The following NEURL1 variants were observed in gnomAD, a reference collection of about 807,000 sequenced individuals.
The protein encoded by NEURL1 is neuralized E3 ubiquitin protein ligase 1, also known as E3 ubiquitin-protein ligase NEURL1.
Under a neutral mutation model 41.2 loss-of-function variants are expected in NEURL1, and 26 were observed. The observed-to-expected ratio is 0.63, with a 90% CI of 0.46 to 0.87. NEURL1 has a LOEUF of 0.87. NEURL1 is among the 40% of genes least tolerant of loss of function. The pLI is 0.00. For missense variants in NEURL1, 761 were observed against 871.1 expected, an observed-to-expected ratio of 0.87 and a Z score of 1.59; for synonymous variants, 400 against 402.3, an observed-to-expected ratio of 0.99 and a Z score of 0.07.
chr10:103,585,393 G>A (rs565478534), intron 4 of NEURL1, among the ~76,000 whole-genome samples, 168 bp downstream of exon 4: 1 of 152,164 alleles, frequency 6.6e-6, no homozygotes, highest in Admixed American at 6.5e-5. Context: ...CTTGTCAGTG[G>A]CCCTTATATG....
At chr10:103,521,636 A>T (rs1399073339) in intron 1 of NEURL1, among the ~76,000 whole-genome samples, 1 of 152,174 alleles carries the variant, frequency 6.6e-6, no homozygotes, top group African/African-American at 2.4e-5. Flanking sequence ...TTATGAAATG[A>T]TGATAGAATA....
intron 1 of NEURL1, among the ~76,000 whole-genome samples, chr10:103,531,261 G>T (rs2034564331): frequency 6.6e-6 from 1 of 152,002 alleles, no homozygotes; most frequent in African/African-American, 2.4e-5. Flanking sequence ...GAAATGTTTT[G>T]TAAATGTCTT....
chr10:103,503,926 A>G (rs2033885726), intron 1 of NEURL1, among the ~76,000 whole-genome samples: 1 of 150,572 alleles, frequency 6.6e-6, no homozygotes, highest in Non-Finnish European at 1.5e-5. Flanking sequence ...AGTAGCTAAG[A>G]CTACAGGTGT....
chr10:103,502,746 G>A (rs534565088), intron 1 of NEURL1, among the ~76,000 whole-genome samples: 2 of 152,322 alleles, frequency 1.3e-5, no homozygotes, highest in South Asian at 4.1e-4. Context: ...ACGAGCAAAA[G>A]CAGTAAGAAA....
chr10:103,502,415 G>T (rs1427805460), intron 1 of NEURL1, among the ~76,000 whole-genome samples: 1 of 152,148 alleles, frequency 6.6e-6, no homozygotes, highest in Non-Finnish European at 1.5e-5. Flanking sequence ...CTTTCAGGTG[G>T]CTCCTTCTTG....
At chr10:103,511,384 C>T (rs1356972828) in intron 1 of NEURL1, among the ~76,000 whole-genome samples, 5 of 152,144 alleles carry the variant, frequency 3.3e-5, no homozygotes, top group Non-Finnish European at 5.9e-5. Context: ...CACATGCTGA[C>T]GCTGGTGCAG....
intron 3 of NEURL1, 66 bp from the exon 4 acceptor site, chr10:103,584,470 C>A: frequency 9.0e-7 from 1 of 1,113,476 alleles, no homozygotes; most frequent in Non-Finnish European, 1.2e-6. Context: ...AGGGACCGGA[C>A]AGCGGGGCGC....
intron 5 of NEURL1, among the ~76,000 whole-genome samples, 181 bp downstream of exon 5, chr10:103,589,841 T>C (rs780862975): frequency 2.0e-5 from 3 of 152,212 alleles, no homozygotes; most frequent in Non-Finnish European, 4.4e-5. Flanking sequence ...AAAGGGTAGC[T>C]CAGGAGGGAC....
At chr10:103,578,292 C>T (rs2035707770) in intron 3 of NEURL1, among the ~76,000 whole-genome samples, 1 of 152,212 alleles carries the variant, frequency 6.6e-6, no homozygotes, top group Non-Finnish European at 1.5e-5. Flanking sequence ...AAGACACCGC[C>T]CTCCACGGCC....
At chr10:103,544,780 A>T (rs1383635904) in intron 1 of NEURL1, among the ~76,000 whole-genome samples, 2 of 151,946 alleles carry the variant, frequency 1.3e-5, no homozygotes, top group Non-Finnish European at 1.5e-5. Flanking sequence ...CAGGGAAGAG[A>T]CCTCCTGCCC....
At chr10:103,575,582 G>T (rs950953640) in intron 3 of NEURL1, among the ~76,000 whole-genome samples, 2 of 152,176 alleles carry the variant, frequency 1.3e-5, no homozygotes, top group African/African-American at 4.8e-5. Context: ...GGAGGCAGGG[G>T]CTGGTGTCTC....
At chr10:103,524,634 T>C (rs1041546003) in intron 1 of NEURL1, among the ~76,000 whole-genome samples, 2 of 152,238 alleles carry the variant, frequency 1.3e-5, no homozygotes, top group South Asian at 2.1e-4. Flanking sequence ...TGGTGAGAGA[T>C]ACGGCTCTAG....
intron 1 of NEURL1, among the ~76,000 whole-genome samples, chr10:103,524,343 T>C (rs1328560601): frequency 1.3e-5 from 2 of 152,194 alleles, no homozygotes; most frequent in Non-Finnish European, 2.9e-5. Context: ...TTCTGGATAT[T>C]AACCCCTTGT....
intron 4 of NEURL1, among the ~76,000 whole-genome samples, chr10:103,585,850 A>T (rs946641469): frequency 6.6e-6 from 1 of 151,718 alleles, no homozygotes; most frequent in Admixed American, 6.6e-5. Flanking sequence ...AAAAAAAAAA[A>T]AGGTTTCCCC....
intron 4 of NEURL1, among the ~76,000 whole-genome samples, chr10:103,586,200 ATGG>A (rs927461953): frequency 1.4e-4 from 21 of 152,118 alleles, no homozygotes; most frequent in Admixed American, 1.1e-3. Context: ...GGAGACGGTG[ATGG>A]TGGTTTTGGT....
At chr10:103,501,842 C>T (rs2033832871) in intron 1 of NEURL1, among the ~76,000 whole-genome samples, 1 of 151,896 alleles carries the variant, frequency 6.6e-6, no homozygotes, top group South Asian at 2.1e-4. Context: ...CCATGTTGGC[C>T]AGGCTGGTCT....
At chr10:103,589,045 G>A (rs1446762082) in intron 4 of NEURL1, 1 of 397,912 alleles carries the variant, frequency 2.5e-6, no homozygotes, top group Admixed American at 3.2e-5. Flanking sequence ...TGAAGGCACT[G>A]CAGAGGTGCC....
At chr10:103,526,757 G>A (rs1466812041) in intron 1 of NEURL1, among the ~76,000 whole-genome samples, 1 of 152,158 alleles carries the variant, frequency 6.6e-6, no homozygotes, top group Non-Finnish European at 1.5e-5. Flanking sequence ...TGATCCACCT[G>A]CCTTGGCCTC....
At chr10:103,514,166 G>A (rs996910669) in intron 1 of NEURL1, among the ~76,000 whole-genome samples, 4 of 151,406 alleles carry the variant, frequency 2.6e-5, no homozygotes, top group Admixed American at 2.6e-4. Context: ...TTGGCTCACT[G>A]CAACCTCCGC....
Sources: gnomAD v4.1 joint callset for allele counts (sites outside exome capture counted in the v4.1 genomes callset) on GRCh38, gnomAD v4.1.1 for gene constraint, MANE v1.5 for transcripts, NCBI Gene and HGNC (gene_info 2026-07-23, HGNC 2026-07-21) for gene names.